The following RALGDS variants were observed in gnomAD, a reference collection of about 807,000 sequenced individuals.
RALGDS encodes ral guanine nucleotide dissociation stimulator, also known as ral guanine nucleotide exchange factor.
In RALGDS, 44 loss-of-function variants were observed where a neutral mutation model predicts 99.8. The observed-to-expected ratio is 0.44, with a 90% confidence interval of 0.35 to 0.57. The LOEUF is 0.57. RALGDS is among the 20% of genes least tolerant of loss of function. The probability of loss-of-function intolerance (pLI) is 0.01; values close to 1 mark genes in which losing one functional copy is unlikely to be tolerated. For missense variants in RALGDS, 1,022 were observed against 1,203.1 expected (o/e 0.85, Z 2.23); for synonymous variants, 529 against 505.0 (o/e 1.05, Z -0.64).
chr9:133,101,505 C>A lies in RALGDS; in HGVS notation c.2454+15G>T, dbSNP rs1471282789. 1.2e-6 allele frequency: 2 copies of A among 1,610,670 alleles called. No homozygotes were observed. Among genetic ancestry groups the A allele is most frequent in the Non-Finnish European group, 1.7e-6 (2 of 1,179,784 alleles). The stretch of plus-strand genomic sequence containing the variant: ...CCAGTGGAGGGAGGCACCCAGGCCA[C>A]CCCCGCCGGCTTACCAGGATGCTCT... On this transcript the variant is annotated intron_variant, in intron 16 of 17. Coordinates refer to ENST00000372050, the MANE Select transcript of RALGDS (RefSeq NM_006266.4).
At chr9:133,141,429 C>G (rs956149124) in intron 1 of RALGDS, among the ~76,000 whole-genome samples, 1 of 145,732 alleles carries the variant, frequency 6.9e-6, no homozygotes, top group Admixed American at 6.8e-5. Context: ...TGGGTGCCCA[C>G]AAACTAAGGC....
At chr9:133,120,933 TCCGACGCACCCCCCGC>T in intron 1 of RALGDS, 23 bp downstream of exon 1, 1 of 1,465,322 alleles carries the variant, frequency 6.8e-7, no homozygotes, top group Non-Finnish European at 9.0e-7. Flanking sequence ...GTGGGGAGGC[TCCGACGCACCCCCCGC>T]CCGACCGCCC....
intron 1 of RALGDS, among the ~76,000 whole-genome samples, chr9:133,116,841 C>T (rs1363040803): frequency 6.6e-6 from 1 of 152,268 alleles, no homozygotes; most frequent in Non-Finnish European, 1.5e-5. Flanking sequence ...CCTGTTGGGA[C>T]CCACCCAGGC....
chr9:133,130,333 C>T (rs147248685), intron 1 of RALGDS, among the ~76,000 whole-genome samples: 5 of 152,126 alleles, frequency 3.3e-5, no homozygotes, highest in Admixed American at 1.3e-4. Flanking sequence ...CAGGCTGGTT[C>T]GAACTCCTGA....
At chr9:133,127,395 C>A (rs1191887874) in intron 1 of RALGDS, among the ~76,000 whole-genome samples, 1 of 152,266 alleles carries the variant, frequency 6.6e-6, no homozygotes, top group Non-Finnish European at 1.5e-5. Context: ...TCAGGTCAGG[C>A]CCTGGTGGAA....
At chr9:133,120,438 C>CCA (rs1554742352) in intron 1 of RALGDS, among the ~76,000 whole-genome samples, 12 of 143,088 alleles carry the variant, frequency 8.4e-5, no homozygotes, top group African/African-American at 1.8e-4. Flanking sequence ...ACCCCCCCCC[C>CCA]ACCCCGCTCT....
At chr9:133,101,122 C>T (rs764223210) in intron 16 of RALGDS, 16 of 1,136,516 alleles carry the variant, frequency 1.4e-5, no homozygotes, top group South Asian at 8.5e-5. Flanking sequence ...GTTGCCACAG[C>T]GGCCTCCTAA....
At chr9:133,129,354 G>A (rs752374314) in intron 1 of RALGDS, 10 of 1,533,276 alleles carry the variant, frequency 6.5e-6, no homozygotes, top group African/African-American at 4.1e-5. Context: ...TGGGCCCTGC[G>A]GGAGGCCCTC....
At chr9:133,128,539 G>A (rs544895114) in intron 1 of RALGDS, among the ~76,000 whole-genome samples, 3 of 152,236 alleles carry the variant, frequency 2.0e-5, no homozygotes, top group South Asian at 2.1e-4. Flanking sequence ...TCCTGGCCCC[G>A]GACTCCTTGG....
At chr9:133,148,063 C>T (rs1321193306) in intron 1 of RALGDS, among the ~76,000 whole-genome samples, 1 of 152,166 alleles carries the variant, frequency 6.6e-6, no homozygotes, top group Non-Finnish European at 1.5e-5. Flanking sequence ...GCCCCCCCGG[C>T]TTCTCTTGCT....
rs973090088 is a variant in RALGDS, at chr9:133,144,182, C to A, written c.18+4781G>T. On this transcript the variant is annotated intron_variant, in intron 1 of 17. Transcript: ENST00000393160. The surrounding 1 kb of genome is among the most constrained non-coding windows in gnomAD (Gnocchi z 4.5). ...AGTAACAGGAGAGCTATCTGCAAAC[C>A]GCAGTGTCATCAGCCGCACGGCCTC... Among the ~76,000 whole-genome samples the A allele has an allele frequency of 2.6e-5, 4 of 152,182 alleles. No individual in the cohort carries two copies. The South Asian group carries it at 8.3e-4, about 31-fold the overall frequency.
chr9:133,121,340 A>G (rs1023014467), upstream of RALGDS: 1 of 583,168 alleles, frequency 1.7e-6, no homozygotes, highest in African/African-American at 2.1e-5. Context: ...AGTCCGAGGG[A>G]CGCGTGCGTG....
chr9:133,106,151 C>T (rs765849243), intron 8 of RALGDS, 135 bp from the exon 9 acceptor site: 14 of 708,062 alleles, frequency 2.0e-5, no homozygotes, highest in South Asian at 4.5e-5. Flanking sequence ...AGAGCACTAA[C>T]GCTCTGCAGG....
At chr9:133,135,090 C>A (rs1313298397), upstream of RALGDS, among the ~76,000 whole-genome samples, 3 of 152,246 alleles carry the variant, frequency 2.0e-5, no homozygotes, top group African/African-American at 2.4e-5. Flanking sequence ...CACAGGAGGG[C>A]CCCTGTGTGT....
chr9:133,098,665 C>T lies in RALGDS; in HGVS notation c.2667G>A (p.Val889=). ...TGGAGCTGGCTCCGTGCTTGACCTT[C>T]ACTCCCTTGGTGAAGGTCCGCTTCT... ...VLKKRTFTKG[V]KVKHGASSTL... is the part of the protein sequence containing the mutation. The change falls in exon 18 of 18, where the codon GTG becomes GTA. Residue 889 remains valine, a synonymous_variant. Transcript: ENST00000372050. The T allele has an allele frequency of 2.5e-6, 4 of 1,614,180 alleles. No individual in the cohort carries two copies. Among genetic ancestry groups the T allele is most frequent in the East Asian group, 4.5e-5 (2 of 44,862 alleles).
At chr9:133,148,859 C>G in intron 1 of RALGDS, 1 of 1,428,008 alleles carries the variant, frequency 7.0e-7, no homozygotes, top group Non-Finnish European at 9.6e-7. Flanking sequence ...AGCGCACGCT[C>G]AGCGTGGACG....
At chr9:133,120,427 G>GGC (rs1491378609) in intron 1 of RALGDS, among the ~76,000 whole-genome samples, 9 of 29,010 alleles carry the variant, frequency 3.1e-4, no homozygotes, top group Non-Finnish European at 3.9e-4. Context: ...CCCATCCCCC[G>GGC]ACCCCCCCCC....
rs1344090318 is a variant in RALGDS at position 133,101,650 on chromosome 9, T to C, written c.2324A>G (p.His775Arg). 1.2e-6 allele frequency: 2 copies of C among 1,613,856 alleles called. No homozygotes were observed. Among genetic ancestry groups the C allele is most frequent in the East Asian group, 2.2e-5 (1 of 44,886 alleles). Reference protein sequence around the residue: ...STTPVAATRTHKRSVSGLCNS... With the variant: ...STTPVAATRTRKRSVSGLCNS... ...GCAGAGCCCTGAGACAGAGCGCTTG[T>C]GGGTGCGTGTGGCAGCCACGGGCGT... The change falls in exon 16 of 18, where the codon CAC becomes CGC. Residue 775 changes from histidine (H) to arginine (R), a missense_variant. Transcript: ENST00000372050.
At chr9:133,134,629 GCA>G (rs1832395647), upstream of RALGDS, among the ~76,000 whole-genome samples, 1 of 152,170 alleles carries the variant, frequency 6.6e-6, no homozygotes, top group Non-Finnish European at 1.5e-5. Flanking sequence ...GTTCCAGGCA[GCA>G]CACAGACTTG....
Sources: gnomAD v4.1 joint callset for allele counts (sites outside exome capture counted in the v4.1 genomes callset) on GRCh38, gnomAD v4.1.1 for gene constraint, Gnocchi (gnomAD v3.1) non-coding constraint, MANE v1.5 for transcripts, NCBI Gene and HGNC (gene_info 2026-07-23, HGNC 2026-07-21) for gene names.